Variants in DACH1 observed in about 807,000 individuals in gnomAD.
The protein encoded by DACH1 is dachshund homolog 1.
DACH1 carries 12 observed loss-of-function variants against 54.2 expected under a neutral mutation model. The ratio of observed to expected loss-of-function variants is 0.22; its 90% confidence interval spans 0.14 to 0.36. The LOEUF (loss-of-function observed/expected upper bound fraction) is 0.36. DACH1 is among the 10% of genes least tolerant of loss of function. The pLI is 1.00. For synonymous variants in DACH1, 386 were observed against 366.2 expected, an observed-to-expected ratio of 1.05 and a Z score of -0.62; for missense variants, 805 against 929.8, an observed-to-expected ratio of 0.87 and a Z score of 1.75.
rs539452166 is a variant in DACH1, at chr13:71,631,406, C to G, written c.965-689G>C. Among the ~76,000 whole-genome samples the G allele has an allele frequency of 5.9e-5, 9 of 152,262 alleles. No individual in the cohort carries two copies. In the East Asian group the frequency reaches 1.7e-3, roughly 30 times the overall value. Reference sequence around the variant, plus strand: ...TGTGCTGCTGTTATAGGACATGCCACCCTGCACTGGAATGGTCTGTTGGGA... The same window carrying G: ...TGTGCTGCTGTTATAGGACATGCCAGCCTGCACTGGAATGGTCTGTTGGGA... On this transcript the variant is annotated intron_variant, in intron 2 of 10. Coordinates refer to ENST00000613252, the MANE Select transcript of DACH1 (RefSeq NM_080759.6).
intron 3 of DACH1, among the ~76,000 whole-genome samples, chr13:71,608,735 G>A (rs915178198): frequency 2.6e-5 from 4 of 152,076 alleles, no homozygotes; most frequent in African/African-American, 7.2e-5. Context: ...AAGGAAAAAT[G>A]TATGGGCTTG....
chr13:71,744,255 G>T (rs59744733), intron 1 of DACH1, among the ~76,000 whole-genome samples: 2,259 of 152,276 alleles, frequency 0.015, 59 homozygotes, highest in African/African-American at 0.05. Context: ...CAGAAATATA[G>T]CTCATGAATT....
intron 1 of DACH1, among the ~76,000 whole-genome samples, chr13:71,770,732 A>G (rs1482395223): frequency 6.6e-6 from 1 of 151,632 alleles, no homozygotes; most frequent in Non-Finnish European, 1.5e-5. Flanking sequence ...TTTAAAGGCC[A>G]TAAGAAACTG....
In DACH1 at chr13:71,459,615, AGAAATTAAAACT is replaced by A. The variant is rs535777709; in HGVS notation, c.2083+15514_2083+15525del. Among the ~76,000 whole-genome samples, 212 of 152,090 alleles carry A rather than the reference AGAAATTAAAACT, an allele frequency of 1.4e-3. 1 individual carries two copies. In the East Asian group the frequency reaches 0.031, roughly 22 times the overall value. On this transcript the variant is annotated intron_variant, in intron 10 of 10. Transcript: ENST00000613252. ...GGAGATGAGAAAAGCTAAGTAGAGAAGAAATTAAAACTGAAATTAAAACTGAAATTAAGCCCA... is the reference window on the plus strand; with the variant it reads ...GGAGATGAGAAAAGCTAAGTAGAGAAGAAATTAAAACTGAAATTAAGCCCA...
chr13:71,781,148 C>G (rs1886354556), intron 1 of DACH1, among the ~76,000 whole-genome samples: 1 of 151,630 alleles, frequency 6.6e-6, no homozygotes, highest in African/African-American at 2.4e-5. Context: ...AAGTTTGAAA[C>G]TTTCACTGTG....
chr13:71,678,288 C>A (rs1880688529), intron 2 of DACH1, among the ~76,000 whole-genome samples: 1 of 152,142 alleles, frequency 6.6e-6, no homozygotes, highest in South Asian at 2.1e-4. Flanking sequence ...TATTTAGGAT[C>A]ATTAGATTTC....
chr13:71,754,823 G>A (rs897504831), intron 1 of DACH1, among the ~76,000 whole-genome samples: 1 of 152,038 alleles, frequency 6.6e-6, no homozygotes, highest in South Asian at 2.1e-4. Flanking sequence ...TGCATTGCAG[G>A]AGAGTCTAAT....
chr13:71,865,798 C>A, intron 1 of DACH1, 124 bp downstream of exon 1: 6 of 1,303,930 alleles, frequency 4.6e-6, no homozygotes, highest in Non-Finnish European at 5.8e-6. Flanking sequence ...AGGAGAGGGC[C>A]GCGCTCGCCG....
chr13:71,613,274 T>C (rs1875473076), intron 3 of DACH1, among the ~76,000 whole-genome samples: 1 of 152,128 alleles, frequency 6.6e-6, no homozygotes, highest in African/African-American at 2.4e-5. Context: ...ACTGGAGAAA[T>C]GCCAGTGTGG....
intron 10 of DACH1, among the ~76,000 whole-genome samples, chr13:71,457,326 G>C (rs747200008): frequency 1.3e-5 from 2 of 151,876 alleles, no homozygotes; most frequent in African/African-American, 4.8e-5. Context: ...TTGACACTTT[G>C]TCATAGATAA....
intron 1 of DACH1, among the ~76,000 whole-genome samples, chr13:71,761,866 T>C (rs1366944531): frequency 6.6e-6 from 1 of 152,170 alleles, no homozygotes; most frequent in African/African-American, 2.4e-5. Flanking sequence ...GTCAACACTA[T>C]TTTATTAATT....
At chr13:71,756,479 T>C (rs1484396351) in intron 1 of DACH1, among the ~76,000 whole-genome samples, 1 of 152,000 alleles carries the variant, frequency 6.6e-6, no homozygotes, top group Non-Finnish European at 1.5e-5. Flanking sequence ...TCTCAGAATA[T>C]TGAAAGGACT....
At chr13:71,483,988 C>A (rs1309927329) in intron 7 of DACH1, among the ~76,000 whole-genome samples, 1 of 152,160 alleles carries the variant, frequency 6.6e-6, no homozygotes, top group Non-Finnish European at 1.5e-5. Flanking sequence ...ATTCATTTCT[C>A]AGAATGTATC....
At chr13:71,637,450 T>C (rs1172241223) in intron 2 of DACH1, among the ~76,000 whole-genome samples, 1 of 152,188 alleles carries the variant, frequency 6.6e-6, no homozygotes, top group Non-Finnish European at 1.5e-5. Context: ...GGTGAGAATG[T>C]AGCCATTTGG....
intron 1 of DACH1, among the ~76,000 whole-genome samples, chr13:71,697,860 T>G (rs1377416067): frequency 6.6e-6 from 1 of 152,152 alleles, no homozygotes; most frequent in Non-Finnish European, 1.5e-5. Context: ...GCTGGCTATT[T>G]GAAAAGTTGA....
chr13:71,733,248 G>C (rs1883831830), intron 1 of DACH1, among the ~76,000 whole-genome samples: 1 of 152,132 alleles, frequency 6.6e-6, no homozygotes, highest in African/African-American at 2.4e-5. Context: ...TGCAACCTCT[G>C]TCTCCCAGGC....
At chr13:71,682,029 G>A in intron 1 of DACH1, 119 bp from the exon 2 acceptor site, 1 of 586,098 alleles carries the variant, frequency 1.7e-6, no homozygotes, top group South Asian at 2.3e-5. Flanking sequence ...GGTTGCTTTT[G>A]CAGTTAGATG....
chr13:71,798,511 C>T (rs1304589938), intron 1 of DACH1, among the ~76,000 whole-genome samples: 1 of 151,516 alleles, frequency 6.6e-6, no homozygotes, highest in Non-Finnish European at 1.5e-5. Context: ...ATTTCAATGT[C>T]TGTGTTAAAT....
At chr13:71,465,174 A>C (rs1876456473) in intron 10 of DACH1, among the ~76,000 whole-genome samples, 1 of 152,112 alleles carries the variant, frequency 6.6e-6, no homozygotes, top group African/African-American at 2.4e-5. Context: ...AATTTATATC[A>C]AAGAGTTTAT....
Sources: gnomAD v4.1 joint callset for allele counts (sites outside exome capture counted in the v4.1 genomes callset) on GRCh38, gnomAD v4.1.1 for gene constraint, MANE v1.5 for transcripts, NCBI Gene and HGNC (gene_info 2026-07-23, HGNC 2026-07-21) for gene names.